Variants in NUP188 observed in about 807,000 individuals in gnomAD.
NUP188 encodes the protein nucleoporin NUP188.
A neutral mutation model predicts 223.0 loss-of-function variants in NUP188; 97 were observed. That is an observed-to-expected ratio of 0.43 (90% CI 0.37 to 0.51). The LOEUF (loss-of-function observed/expected upper bound fraction) is 0.51, where lower values mean the gene tolerates loss of function less well. Among genes scored for constraint, NUP188 ranks in the 20% least tolerant of loss-of-function variants. NUP188 has a pLI of 0.00. For missense variants in NUP188, 1,947 were observed against 2,175.6 expected (o/e 0.89, Z 2.09); for synonymous variants, 869 against 828.0 (o/e 1.05, Z -0.85).
In NUP188 at chr9:128,958,965, A is replaced by C. The variant is rs28365527; in HGVS notation, c.466-50A>C. 37 of 1,420,352 alleles carry C rather than the reference A, an allele frequency of 2.6e-5. No individual in the cohort carries two copies. The East Asian group carries it at 8.7e-4, about 33-fold the overall frequency. The allele number at this position is 1,420,352 out of a possible 1,614,324, so 88.0% of individuals were successfully genotyped here. On this transcript the variant is annotated intron_variant, in intron 7 of 43. Transcript: ENST00000372577. ...TAATAATTTTATTAATATTTATTTGAATATTTACCTTTTATTCTAGGTATA... is the reference window on the plus strand; with the variant it reads ...TAATAATTTTATTAATATTTATTTGCATATTTACCTTTTATTCTAGGTATA...
chr9:128,952,044 C>T lies in NUP188; in HGVS notation c.88-729C>T, dbSNP rs563301505. Among the ~76,000 whole-genome samples, 31 of 152,224 alleles carry T rather than the reference C, an allele frequency of 2.0e-4. 1 individual carries two copies. The South Asian group carries it at 5.4e-3, about 26-fold the overall frequency. Reference sequence around the variant, plus strand: ...CCAACCCTAGGGGATCCGCCCGCTTCGGCCTCCCAAAGTGCTAGGATTACA... The same window carrying T: ...CCAACCCTAGGGGATCCGCCCGCTTTGGCCTCCCAAAGTGCTAGGATTACA... On this transcript the variant is annotated intron_variant, in intron 2 of 43. Coordinates refer to ENST00000372577, the MANE Select transcript of NUP188 (RefSeq NM_015354.3).
chr9:128,955,820 C>G (rs1157811805), intron 3 of NUP188, among the ~76,000 whole-genome samples: 1 of 151,518 alleles, frequency 6.6e-6, no homozygotes, highest in East Asian at 2.0e-4. Flanking sequence ...AAAGCAGGAT[C>G]TGGGTGCTGC....
chr9:128,950,381 C>T (rs1299896716), intron 2 of NUP188, among the ~76,000 whole-genome samples: 5 of 151,680 alleles, frequency 3.3e-5, no homozygotes, highest in Admixed American at 2.0e-4. Context: ...CCACCACGCC[C>T]GGCTAATTTT....
intron 1 of NUP188, 44 bp from the exon 2 acceptor site, chr9:128,949,145 A>C (rs375134087): frequency 1.4e-6 from 2 of 1,444,752 alleles, no homozygotes; most frequent in Non-Finnish European, 1.9e-6. Flanking sequence ...ACAAGTTTGT[A>C]TGATCAGAAA....
At chr9:128,989,510 C>T (rs1842384673) in intron 24 of NUP188, among the ~76,000 whole-genome samples, 1 of 151,994 alleles carries the variant, frequency 6.6e-6, no homozygotes, top group Non-Finnish European at 1.5e-5. Flanking sequence ...ACCAGCCTGG[C>T]CAACACAGTG....
intron 30 of NUP188, among the ~76,000 whole-genome samples, chr9:128,997,644 C>T (rs1369289255): frequency 6.6e-6 from 1 of 152,176 alleles, no homozygotes; most frequent in East Asian, 1.9e-4. Context: ...CATGCACCAC[C>T]ATACCCAGCT....
chr9:128,992,636 T>TC (rs1378187060), intron 25 of NUP188, among the ~76,000 whole-genome samples: 3 of 152,216 alleles, frequency 2.0e-5, no homozygotes, highest in Non-Finnish European at 2.9e-5. Flanking sequence ...CTTCCTTCAT[T>TC]CTTTTTAATG....
chr9:128,994,546 A>G (rs1842486001), intron 28 of NUP188, 104 bp downstream of exon 28: 2 of 801,940 alleles, frequency 2.5e-6, no homozygotes, highest in East Asian at 4.9e-5. Flanking sequence ...CTAATTAAAC[A>G]ACAGAATGTT....
intron 12 of NUP188, among the ~76,000 whole-genome samples, chr9:128,974,814 A>G (rs1564556643): frequency 6.6e-6 from 1 of 150,738 alleles, no homozygotes; most frequent in East Asian, 1.9e-4. Flanking sequence ...TGCAGAATAC[A>G]GTGGCGCGAT....
intron 25 of NUP188, among the ~76,000 whole-genome samples, chr9:128,990,458 T>G (rs1478723795): frequency 2.0e-5 from 3 of 152,146 alleles, no homozygotes; most frequent in Non-Finnish European, 2.9e-5. Context: ...CTGCGTGCGG[T>G]GGCTCATGCC....
rs371875352 is a variant in NUP188, at chr9:128,965,733, G to A, written c.586-2773G>A. Among the ~76,000 whole-genome samples, 63 of 151,790 alleles carry A rather than the reference G, an allele frequency of 4.2e-4. 1 individual carries two copies. Among genetic ancestry groups the A allele is most frequent in the African/African-American group, 1.4e-3 (59 of 41,368 alleles). On this transcript the variant is annotated intron_variant, in intron 8 of 43. Transcript: ENST00000372577. ...CTCCCAAAGTGCTGGGATTATAGAC[G>A]TGAGCCACCACGTCTGGCCAGTTTT...
chr9:128,994,525 T>C, intron 28 of NUP188, 83 bp downstream of exon 28: 2 of 894,050 alleles, frequency 2.2e-6, no homozygotes, highest in South Asian at 1.4e-5. Flanking sequence ...CCGTAGACAA[T>C]GATACCTCCC....
rs1377254406 is a variant in NUP188, at chr9:128,974,631, T to C, written c.1203+1382T>C. ...CCAGCTTCTACCAGTTATCATCTCA[T>C]GGATAATCCTTTTTCTGCCCCTTCC... On this transcript the variant is annotated intron_variant, in intron 12 of 43. Transcript: ENST00000372577. Among the ~76,000 whole-genome samples the C allele has an allele frequency of 2.0e-5, 3 of 152,162 alleles. No homozygotes were observed. The East Asian group carries it at 5.8e-4, about 29-fold the overall frequency.
Position 128,952,758 on chromosome 9 carries a change from C to G in NUP188, c.88-15C>G. The G allele has an allele frequency of 6.2e-7, 1 of 1,607,320 alleles. No homozygotes were observed. The highest frequency in any genetic ancestry group is 8.5e-7 in the Non-Finnish European group (1 of 1,175,146). On this transcript the variant is annotated splice_polypyrimidine_tract_variant and intron_variant, in intron 2 of 43. Transcript: ENST00000372577. ...AAAAATACTGCATTTGTATAATTAC[C>G]TTGTTCTTTTCCAGAGTCAGATTGA...
chr9:129,005,569 G>C (rs763319600), intron 40 of NUP188, 39 bp downstream of exon 40: 1 of 1,611,446 alleles, frequency 6.2e-7, no homozygotes, highest in Non-Finnish European at 8.5e-7. Context: ...CTCCCCTAAA[G>C]GCTCTGCTCT....
intron 14 of NUP188, among the ~76,000 whole-genome samples, chr9:128,980,983 GAAAT>G (rs1263089045): frequency 6.6e-6 from 1 of 152,150 alleles, no homozygotes; most frequent in African/African-American, 2.4e-5. Context: ...CTAGATATAA[GAAAT>G]AAATAGCTAA....
rs142239402 is a variant in NUP188, at chr9:128,980,592, C to A, written c.1270-14C>A. 1 of 1,600,996 alleles carries A rather than the reference C, an allele frequency of 6.2e-7. No individual in the cohort carries two copies. The highest frequency in any genetic ancestry group is 8.5e-7 in the Non-Finnish European group (1 of 1,174,030). On this transcript the variant is annotated splice_polypyrimidine_tract_variant and intron_variant, in intron 13 of 43. Coordinates refer to ENST00000372577, the MANE Select transcript of NUP188 (RefSeq NM_015354.3). ...ATAATGTGAAGATCAGTGATTTGTC[C>A]CCTTCCACCACAGGAGCCAACTTCT...
chr9:128,985,003 A>T lies in NUP188; in HGVS notation c.2065A>T (p.Thr689Ser). ...TATTGCCTTTCTGCGCTTGATCACCACCCTTGTCAAGGTACAGTCTGATTT... is the reference window on the plus strand; with the variant it reads ...TATTGCCTTTCTGCGCTTGATCACCTCCCTTGTCAAGGTACAGTCTGATTT... The part of the protein sequence containing the change: ...VTIAFLRLIT[T>S]LVKGQLGSTQ... Residue 689 changes from threonine to serine, a missense_variant, in exon 20 of 44, where the codon ACC becomes TCC. Coordinates refer to ENST00000372577, the MANE Select transcript of NUP188 (RefSeq NM_015354.3). 6.2e-7 allele frequency: 1 copy of T among 1,610,784 alleles called. No individual in the cohort carries two copies. The highest frequency in any genetic ancestry group is 1.1e-5 in the South Asian group (1 of 90,838).
intron 38 of NUP188, chr9:129,004,501 A>G (rs532284920): frequency 6.6e-6 from 1 of 151,808 alleles, no homozygotes; most frequent in African/African-American, 2.4e-5. Context: ...TCCTCATCTT[A>G]TTTTATTTAT....
Sources: gnomAD v4.1 joint callset for allele counts (sites outside exome capture counted in the v4.1 genomes callset) on GRCh38, gnomAD v4.1.1 for gene constraint, MANE v1.5 for transcripts, NCBI Gene and HGNC (gene_info 2026-07-23, HGNC 2026-07-21) for gene names.